PAPPA2: variants seen among roughly 807,000 people sequenced by gnomAD.
The protein encoded by PAPPA2 is pappalysin 2.
A neutral mutation model predicts 176.4 loss-of-function variants in PAPPA2; 86 were observed. The observed-to-expected ratio is 0.49, with a 90% confidence interval of 0.41 to 0.58. The LOEUF is 0.58. Among genes scored for constraint, PAPPA2 ranks in the 20% least tolerant of loss-of-function variants. The pLI, the probability that PAPPA2 is intolerant of heterozygous loss-of-function variation, is 0.00. For missense variants in PAPPA2, 2,073 were observed against 2,256.9 expected, an observed-to-expected ratio of 0.92 and a Z score of 1.65; for synonymous variants, 809 against 852.2, an observed-to-expected ratio of 0.95 and a Z score of 0.88.
At chr1:176,758,535 G>A (rs1016136224) in intron 14 of PAPPA2, among the ~76,000 whole-genome samples, 1 of 152,158 alleles carries the variant, frequency 6.6e-6, no homozygotes, top group East Asian at 1.9e-4. Context: ...CAAATTCAGA[G>A]CATGCATTCC....
At chr1:176,507,312 A>G (rs1025831200) in intron 1 of PAPPA2, among the ~76,000 whole-genome samples, 21 of 152,180 alleles carry the variant, frequency 1.4e-4, no homozygotes, top group African/African-American at 5.1e-4. Flanking sequence ...GCTGTGGACA[A>G]AAGGGAACTC....
chr1:176,838,934 C>T (rs1357570458), intron 21 of PAPPA2, among the ~76,000 whole-genome samples: 2 of 152,192 alleles, frequency 1.3e-5, no homozygotes, highest in African/African-American at 2.4e-5. Context: ...GAAGTAATAA[C>T]TTGGATAAAC....
chr1:176,693,749 GCT>G (rs963371253), intron 6 of PAPPA2, among the ~76,000 whole-genome samples: 3 of 152,228 alleles, frequency 2.0e-5, no homozygotes, highest in African/African-American at 7.2e-5. Context: ...ACCCTTTTGG[GCT>G]CTGTTTGTGA....
intron 3 of PAPPA2, among the ~76,000 whole-genome samples, chr1:176,644,881 G>A (rs1201535934): frequency 6.6e-6 from 1 of 151,806 alleles, no homozygotes; most frequent in East Asian, 1.9e-4. Context: ...AAATATGCAT[G>A]CAATTTTATG....
intron 18 of PAPPA2, among the ~76,000 whole-genome samples, chr1:176,790,545 G>T (rs550048981): frequency 6.6e-6 from 1 of 152,148 alleles, no homozygotes; most frequent in Non-Finnish European, 1.5e-5. Context: ...CAGCGTCCTT[G>T]TCTGCTCCCT....
intron 2 of PAPPA2, among the ~76,000 whole-genome samples, chr1:176,567,224 A>C (rs1355046622): frequency 6.6e-6 from 1 of 152,254 alleles, no homozygotes; most frequent in Non-Finnish European, 1.5e-5. Flanking sequence ...GCAAACAAAA[A>C]CATCCTAGTT....
intron 8 of PAPPA2, among the ~76,000 whole-genome samples, chr1:176,701,685 G>A (rs1182010326): frequency 6.6e-6 from 1 of 152,136 alleles, no homozygotes; most frequent in Non-Finnish European, 1.5e-5. Flanking sequence ...AAAGAAGAGA[G>A]AACCATGGCA....
intron 1 of PAPPA2, among the ~76,000 whole-genome samples, chr1:176,472,645 A>G (rs1028889368): frequency 7.9e-5 from 12 of 152,196 alleles, no homozygotes; most frequent in African/African-American, 2.9e-4. Flanking sequence ...GGGCAGAGCT[A>G]CAAAATATAT....
chr1:176,662,802 A>C (rs188027098), intron 3 of PAPPA2, among the ~76,000 whole-genome samples: 17 of 152,114 alleles, frequency 1.1e-4, no homozygotes, highest in Admixed American at 3.9e-4. Context: ...TAGGCATGAA[A>C]TTGTTTCCTT....
At chr1:176,681,483 G>T (rs907553326) in intron 4 of PAPPA2, among the ~76,000 whole-genome samples, 2 of 152,156 alleles carry the variant, frequency 1.3e-5, no homozygotes, top group African/African-American at 4.8e-5. Context: ...ATATTTGAAT[G>T]ATGGAGTGGG....
chr1:176,640,208 A>ATTC (rs1656989726), intron 3 of PAPPA2, among the ~76,000 whole-genome samples: 1 of 150,404 alleles, frequency 6.6e-6, no homozygotes, highest in Admixed American at 6.6e-5. Context: ...TATTATTATT[A>ATTC]TACTTTAAGT....
At chr1:176,737,410 C>A (rs1172267508) in intron 12 of PAPPA2, among the ~76,000 whole-genome samples, 1 of 151,948 alleles carries the variant, frequency 6.6e-6, no homozygotes, top group Non-Finnish European at 1.5e-5. Flanking sequence ...TTTTGAAGAT[C>A]CAGCAGTTGT....
At chr1:176,697,177 G>A (rs757337095) in intron 7 of PAPPA2, among the ~76,000 whole-genome samples, 3 of 152,012 alleles carry the variant, frequency 2.0e-5, no homozygotes, top group South Asian at 2.1e-4. Context: ...GAAGTTCTAC[G>A]TTCTAATTCT....
chr1:176,636,410 T>G (rs1656701413), intron 3 of PAPPA2, among the ~76,000 whole-genome samples: 1 of 152,152 alleles, frequency 6.6e-6, no homozygotes, highest in Admixed American at 6.6e-5. Flanking sequence ...GTCTGAACTC[T>G]TTCTCAGAGA....
At chr1:176,787,370 G>A (rs1280828137) in intron 17 of PAPPA2, among the ~76,000 whole-genome samples, 1 of 151,912 alleles carries the variant, frequency 6.6e-6, no homozygotes. Flanking sequence ...CAGTAGCTGG[G>A]ACTACAGGTG....
intron 4 of PAPPA2, among the ~76,000 whole-genome samples, chr1:176,689,746 A>G (rs1032966691): frequency 6.6e-6 from 1 of 152,116 alleles, no homozygotes; most frequent in Non-Finnish European, 1.5e-5. Flanking sequence ...GGAAGTTTTT[A>G]AAAATGTCGT....
chr1:176,721,573 T>C (rs1447398677), intron 12 of PAPPA2, among the ~76,000 whole-genome samples: 2 of 152,220 alleles, frequency 1.3e-5, no homozygotes, highest in African/African-American at 4.8e-5. Flanking sequence ...TGTTTTCTTT[T>C]ATCCTTTGGA....
intron 3 of PAPPA2, among the ~76,000 whole-genome samples, chr1:176,600,847 G>C (rs193274111): frequency 5.6e-4 from 86 of 152,300 alleles, no homozygotes; most frequent in African/African-American, 1.6e-3. Context: ...TGTTGAGGGA[G>C]AGTAGTAGAA....
intron 1 of PAPPA2, among the ~76,000 whole-genome samples, chr1:176,465,869 T>G (rs778062644): frequency 1.3e-5 from 2 of 152,168 alleles, no homozygotes; most frequent in Non-Finnish European, 2.9e-5. Context: ...ATCATTTAGC[T>G]TCCTTTTGCG....
Sources: allele counts gnomAD v4.1 joint callset (sites outside exome capture counted in the v4.1 genomes callset), GRCh38; gene constraint gnomAD v4.1.1; transcripts MANE v1.5; gene names NCBI Gene and HGNC (gene_info 2026-07-23, HGNC 2026-07-21).